DNAJC17: variants seen among roughly 807,000 people sequenced by gnomAD.
The protein encoded by DNAJC17 is DnaJ heat shock protein family (Hsp40) member C17.
In DNAJC17, 35 loss-of-function variants were observed where a neutral mutation model predicts 48.1. That is an observed-to-expected ratio of 0.73 (90% CI 0.56 to 0.96). The LOEUF is 0.96. DNAJC17 is among the 50% of genes least tolerant of loss of function. DNAJC17 has a pLI of 0.00. For synonymous variants in DNAJC17, 117 were observed against 142.7 expected (o/e 0.82, Z 1.28); for missense variants, 355 against 377.1 (o/e 0.94, Z 0.48).
At chr15:40,801,531 C>A (rs984281250) in intron 1 of DNAJC17, among the ~76,000 whole-genome samples, 1 of 151,888 alleles carries the variant, frequency 6.6e-6, no homozygotes, top group Non-Finnish European at 1.5e-5. Context: ...CCGAGGTGGG[C>A]GGATCACGAG....
rs187864011 is a variant in DNAJC17 at position 40,765,675 on chromosome 15, C to T, written c.*2265G>A. On this transcript the variant is annotated 3_prime_UTR_variant, in exon 11 of 11. Transcript: ENST00000220496. ...ATCATTGATGGGCTCCACCCCTTCA[C>T]AGCTTGTGCTCAGCCCCTAAGAATC... 5 of 421,910 alleles carry T rather than the reference C, an allele frequency of 1.2e-5. No homozygotes were observed. The highest frequency in any genetic ancestry group is 2.1e-5 in the Non-Finnish European group (5 of 235,118). The allele number at this position is 421,910 out of a possible 1,614,324, so 26.1% of individuals were successfully genotyped here.
intron 4 of DNAJC17, among the ~76,000 whole-genome samples, chr15:40,777,265 C>CCTTTT (rs896604620): frequency 1.3e-5 from 2 of 151,340 alleles, no homozygotes; most frequent in Non-Finnish European, 1.5e-5. Flanking sequence ...CTTAGACTCT[C>CCTTTT]CTTTTCTCTC....
Position 40,767,992 on chromosome 15 carries a change from T to A in DNAJC17, c.863A>T (p.Gln288Leu). The change falls in exon 11 of 11, where the codon CAA becomes CTA. Residue 288 changes from glutamine (Q) to leucine (L), a missense_variant. Gln to Leu is a moderately radical substitution (Grantham distance 113, BLOSUM62 -2). Transcript: ENST00000220496. ...MMRMRQAAER[Q>L]QLIARMQQED... is the part of the protein sequence containing the mutation. Reference sequence around the variant, plus strand: ...CTGCTGCATCCGTGCGATCAGCTGTTGCCGCTCGGCCGCCTGGCGCATGCG... The same window carrying A: ...CTGCTGCATCCGTGCGATCAGCTGTAGCCGCTCGGCCGCCTGGCGCATGCG... 1 of 1,608,120 alleles carries A rather than the reference T, an allele frequency of 6.2e-7. No homozygotes were observed. Among genetic ancestry groups the A allele is most frequent in the Non-Finnish European group, 8.5e-7 (1 of 1,178,388 alleles).
At chr15:40,800,142 G>A (rs757700938) in intron 1 of DNAJC17, among the ~76,000 whole-genome samples, 45 of 152,084 alleles carry the variant, frequency 3.0e-4, no homozygotes, top group Admixed American at 1.7e-3. Flanking sequence ...GCACGATTTC[G>A]GCTCACTGCA....
chr15:40,793,996 C>T (rs1889879925), intron 1 of DNAJC17, among the ~76,000 whole-genome samples: 1 of 152,198 alleles, frequency 6.6e-6, no homozygotes, highest in Non-Finnish European at 1.5e-5. Flanking sequence ...ATTCTAACAT[C>T]TGTATCATGA....
At chr15:40,782,085 G>A (rs1160002928) in intron 1 of DNAJC17, among the ~76,000 whole-genome samples, 1 of 152,074 alleles carries the variant, frequency 6.6e-6, no homozygotes, top group African/African-American at 2.4e-5. Context: ...CATGAGCCAG[G>A]TGTGGTAGCA....
rs111360035 is a variant in DNAJC17, at chr15:40,778,384, T to C, written c.295+839A>G. Among the ~76,000 whole-genome samples, 646 of 152,192 alleles carry C rather than the reference T, an allele frequency of 4.2e-3. 7 individuals carry two copies. The highest frequency in any genetic ancestry group is 0.015 in the African/African-American group (627 of 41,542). ...TTCTCTGCCTCAACTTCTCGAGTAGTTGGGATTACAGGCACCCGCCACCAC... is the reference window on the plus strand; with the variant it reads ...TTCTCTGCCTCAACTTCTCGAGTAGCTGGGATTACAGGCACCCGCCACCAC... On this transcript the variant is annotated intron_variant, in intron 4 of 10. Transcript: ENST00000220496.
chr15:40,801,366 C>T (rs908780952), intron 1 of DNAJC17, among the ~76,000 whole-genome samples: 1 of 152,136 alleles, frequency 6.6e-6, no homozygotes, highest in African/African-American at 2.4e-5. Context: ...GATGCCATTT[C>T]GACTGAGTTC....
intron 1 of DNAJC17, among the ~76,000 whole-genome samples, chr15:40,792,094 T>C (rs1379684290): frequency 1.3e-5 from 2 of 152,198 alleles, no homozygotes; most frequent in Non-Finnish European, 2.9e-5. Context: ...CCCTAGGCCA[T>C]GCCCATTCCC....
intron 1 of DNAJC17, among the ~76,000 whole-genome samples, chr15:40,782,600 T>C (rs1889533638): frequency 1.3e-5 from 2 of 152,118 alleles, no homozygotes; most frequent in African/African-American, 4.8e-5. Flanking sequence ...TGGTGTGTGT[T>C]ACCTGCTGCT....
At position 40,765,868 on chromosome 15, in the gene DNAJC17, A is replaced by G; in HGVS notation, c.*2072T>C. On this transcript the variant is annotated 3_prime_UTR_variant, in exon 11 of 11. Coordinates refer to ENST00000220496, the MANE Select transcript of DNAJC17 (RefSeq NM_018163.3). ...TGGTGGGCGATGAACAGTCGGATCCAGAGCTGATGCAGCATCTGGGGGCTT... is the reference window on the plus strand; with the variant it reads ...TGGTGGGCGATGAACAGTCGGATCCGGAGCTGATGCAGCATCTGGGGGCTT... 6.3e-7 allele frequency: 1 copy of G among 1,586,724 alleles called. No individual in the cohort carries two copies. Among genetic ancestry groups the G allele is most frequent in the Non-Finnish European group, 8.6e-7 (1 of 1,162,100 alleles).
Position 40,768,015 on chromosome 15 carries a change from G to GCGCATC in DNAJC17, c.834_839dup (p.Met281_Arg282dup). 7 of 1,602,330 alleles carry GCGCATC rather than the reference G, an allele frequency of 4.4e-6. No individual in the cohort carries two copies. Among genetic ancestry groups the GCGCATC allele is most frequent in the Non-Finnish European group, 6.0e-6 (7 of 1,176,220 alleles). On this transcript the variant is annotated inframe_insertion, in exon 11 of 11. Transcript: ENST00000220496. ...GTTGCCGCTCGGCCGCCTGGCGCATGCGCATCATGACGAGGCTCTCGTAGT... is the reference window on the plus strand; with the variant it reads ...GTTGCCGCTCGGCCGCCTGGCGCATGCGCATCCGCATCATGACGAGGCTCTCGTAGT...
At chr15:40,804,618 A>T (rs185575062) in intron 1 of DNAJC17, among the ~76,000 whole-genome samples, 243 of 152,288 alleles carry the variant, frequency 1.6e-3, no homozygotes, top group African/African-American at 3.9e-3. Flanking sequence ...AAAATAAAAA[A>T]AAAATAAAAT....
At chr15:40,804,822 T>C (rs1262854105) in intron 1 of DNAJC17, among the ~76,000 whole-genome samples, 1 of 151,584 alleles carries the variant, frequency 6.6e-6, no homozygotes, top group Admixed American at 6.6e-5. Context: ...ACCAACATGG[T>C]GAAACCCTGT....
In DNAJC17 at chr15:40,776,713, A is replaced by G. The variant is rs1566822616; in HGVS notation, c.296-86T>C. On this transcript the variant is annotated intron_variant, in intron 4 of 10. Coordinates refer to ENST00000220496, the MANE Select transcript of DNAJC17 (RefSeq NM_018163.3). ...CCACCCCAGCTCTGGCTGCCTCCCCAAAGTCTCAATCACGACGAGATCATA... is the reference window on the plus strand; with the variant it reads ...CCACCCCAGCTCTGGCTGCCTCCCCGAAGTCTCAATCACGACGAGATCATA... The G allele has an allele frequency of 3.7e-6, 5 of 1,368,898 alleles. No individual in the cohort carries two copies. The Admixed American group carries it at 5.1e-5, about 14-fold the overall frequency. 84.8% of individuals were successfully genotyped at this position (1,368,898 alleles called of 1,614,324 possible).
Position 40,807,467 on chromosome 15 carries a change from G to A in DNAJC17, c.-21C>T. 1 of 1,614,026 alleles carries A rather than the reference G, an allele frequency of 6.2e-7. No individual in the cohort carries two copies. On this transcript the variant is annotated 5_prime_UTR_variant, in exon 1 of 11. It adds an upstream start codon to the 5' untranslated region. Coordinates refer to ENST00000220496, the MANE Select transcript of DNAJC17 (RefSeq NM_018163.3). ...GCCATGGTTCCGGCCTGACGGATTC[G>A]TACTACAACTCCCAAGAGTCTAAGC...
At chr15:40,795,454 G>A (rs900606876) in intron 1 of DNAJC17, among the ~76,000 whole-genome samples, 2 of 152,160 alleles carry the variant, frequency 1.3e-5, no homozygotes, top group East Asian at 3.8e-4. Flanking sequence ...TGTTTCCTTA[G>A]CACCAGGCTC....
chr15:40,770,691 C>G lies in DNAJC17; in HGVS notation c.793-2629G>C, dbSNP rs980062598. 1 of 1,548,480 alleles carries G rather than the reference C, an allele frequency of 6.5e-7. No individual in the cohort carries two copies. The highest frequency in any genetic ancestry group is 1.4e-5 in the African/African-American group (1 of 73,162). On this transcript the variant is annotated intron_variant, in intron 10 of 10. Transcript: ENST00000220496. The surrounding 1 kb of genome is among the most constrained non-coding windows in gnomAD (Gnocchi z 5.0). The stretch of plus-strand genomic sequence containing the variant: ...GAGGCCAGATGGCCGGCGCCTGCCA[C>G]TGTGGGGGGACGAGCAGCCCCGGGC...
rs753233536 is a variant in DNAJC17 at position 40,767,978 on chromosome 15, G to A, written c.877C>T (p.Arg293Trp). ...CCCTCCTGGTCTTCCTGCTGCATCC[G>A]TGCGATCAGCTGTTGCCGCTCGGCC... ...QAAERQQLIARMQQEDQEGPP... is the reference protein window; with the variant it reads ...QAAERQQLIAWMQQEDQEGPP... Residue 293 changes from arginine to tryptophan, a missense_variant, in exon 11 of 11, where the codon CGG (arginine) becomes TGG (tryptophan). Around this residue, in one of 3 missense-constraint regions of DNAJC17, gnomAD observed 88 missense variants for 67.7 expected, o/e 1.30. Coordinates refer to ENST00000220496, the MANE Select transcript of DNAJC17 (RefSeq NM_018163.3). 2.5e-6 allele frequency: 4 copies of A among 1,611,612 alleles called. No individual in the cohort carries two copies. The highest frequency in any genetic ancestry group is 2.5e-6 in the Non-Finnish European group (3 of 1,179,318).
Sources: allele counts gnomAD v4.1 joint callset (sites outside exome capture counted in the v4.1 genomes callset), GRCh38; gene constraint gnomAD v4.1.1; regional missense constraint gnomAD v4.1.1; non-coding constraint Gnocchi (gnomAD v3.1); transcripts MANE v1.5; gene names NCBI Gene and HGNC (gene_info 2026-07-23, HGNC 2026-07-21).